The following ALKAL1 variants were observed in gnomAD, a reference collection of about 807,000 sequenced individuals.
ALKAL1 encodes the protein AUG-beta.
ALKAL1 carries 23 observed loss-of-function variants against 13.5 expected under a neutral mutation model. That is an observed-to-expected ratio of 1.70 (90% CI 1.23 to 2.41). ALKAL1 has a LOEUF of 2.41. Ranked by LOEUF, ALKAL1 falls within the 30% of genes most tolerant of loss-of-function variation. The probability of loss-of-function intolerance (pLI) is 0.00; values close to 1 mark genes in which losing one functional copy is unlikely to be tolerated. For synonymous variants in ALKAL1, 85 were observed against 77.7 expected (o/e 1.09, Z -0.49); for missense variants, 181 against 178.4 (o/e 1.01, Z -0.08).
chr8:52,555,288 G>A (rs1430778086), intron 1 of ALKAL1, among the ~76,000 whole-genome samples: 1 of 152,132 alleles, frequency 6.6e-6, no homozygotes, highest in Non-Finnish European at 1.5e-5. Flanking sequence ...GAAGCTGGCA[G>A]AGGATATTGG....
At chr8:52,556,683 GGATA>G (rs1357486617) in intron 1 of ALKAL1, among the ~76,000 whole-genome samples, 3 of 140,810 alleles carry the variant, frequency 2.1e-5, no homozygotes, top group African/African-American at 5.2e-5. Flanking sequence ...AAGATTGGAT[GGATA>G]AAGCTCTCAA....
Position 52,534,313 on chromosome 8 carries a change from AAAT to A in ALKAL1, c.*297_*299del, listed in dbSNP as rs1446523555. ...AATTAGAATGTTAACCATATAAAGA[AAAT>A]AATATATCTAGTAAAAATAAAATAC... On this transcript the variant is annotated 3_prime_UTR_variant, in exon 5 of 5. Transcript: ENST00000358543. 1 of 252,636 alleles carries A rather than the reference AAAT, an allele frequency of 4.0e-6. No homozygotes were observed. The highest frequency in any genetic ancestry group is 5.3e-5 in the Admixed American group (1 of 18,792). 15.6% of individuals were successfully genotyped at this position (252,636 alleles called of 1,614,324 possible). A position where few individuals can be genotyped will look rare whatever the true frequency, so the allele number is the denominator to read the frequency against.
intron 1 of ALKAL1, among the ~76,000 whole-genome samples, chr8:52,564,577 C>A (rs1291191720): frequency 6.6e-6 from 1 of 152,170 alleles, no homozygotes; most frequent in East Asian, 1.9e-4. Flanking sequence ...TAACATAAGC[C>A]GCCGCCTGCT....
intron 1 of ALKAL1, among the ~76,000 whole-genome samples, chr8:52,563,814 C>A (rs1202753956): frequency 6.6e-6 from 1 of 152,130 alleles, no homozygotes; most frequent in Non-Finnish European, 1.5e-5. Context: ...AGCCTCCCAC[C>A]TTCTCCATCC....
intron 1 of ALKAL1, among the ~76,000 whole-genome samples, chr8:52,557,211 C>T (rs1486131753): frequency 3.3e-5 from 5 of 152,172 alleles, no homozygotes; most frequent in Non-Finnish European, 4.4e-5. Context: ...GGCTGATGCC[C>T]GGGTGGTGCT....
intron 1 of ALKAL1, among the ~76,000 whole-genome samples, chr8:52,546,350 T>C (rs1847368612): frequency 6.6e-6 from 1 of 152,238 alleles, no homozygotes; most frequent in Non-Finnish European, 1.5e-5. Context: ...GTTGCACAGA[T>C]ACTATGGCTC....
chr8:52,560,290 A>G (rs1250137973), intron 1 of ALKAL1, among the ~76,000 whole-genome samples: 3 of 152,206 alleles, frequency 2.0e-5, no homozygotes, highest in Non-Finnish European at 4.4e-5. Flanking sequence ...TATTGTAGCT[A>G]TTATTTCCTG....
intron 1 of ALKAL1, among the ~76,000 whole-genome samples, chr8:52,546,494 T>C (rs1343563342): frequency 6.6e-6 from 1 of 152,352 alleles, no homozygotes; most frequent in East Asian, 1.9e-4. Context: ...GCCCAGTTAG[T>C]TGCTTTGGCT....
At chr8:52,535,550 CAAAAAAAAAAAA>C (rs10719477) in intron 4 of ALKAL1, among the ~76,000 whole-genome samples, 9 of 68,632 alleles carry the variant, frequency 1.3e-4, no homozygotes, top group Non-Finnish European at 2.3e-4. Context: ...GACCCTGTCT[CAAAAAAAAAAAA>C]AAAAAAAAAA....
chr8:52,542,103 TC>T (rs900033819), intron 2 of ALKAL1, among the ~76,000 whole-genome samples: 13 of 152,274 alleles, frequency 8.5e-5, no homozygotes, highest in East Asian at 7.7e-4. Context: ...GCCTTATTCA[TC>T]CCTTAAAGCC....
Position 52,565,225 on chromosome 8 carries a change from G to T in ALKAL1, c.32C>A (p.Pro11His), listed in dbSNP as rs1847589347. 8 of 1,327,814 alleles carry T rather than the reference G, an allele frequency of 6.0e-6. No homozygotes were observed. In the South Asian group the frequency reaches 1.1e-4, roughly 17 times the overall value. The allele number at this position is 1,327,814 out of a possible 1,614,324, so 82.3% of individuals were successfully genotyped here. The change falls in exon 1 of 5, where the codon CCC (proline) becomes CAC (histidine). Residue 11 changes from proline (P) to histidine (H), a missense_variant. Transcript: ENST00000358543. The stretch of plus-strand genomic sequence containing the variant: ...AGCCAGCGCCAGCAGGAAGAGTGCG[G>T]GCAAAGGGGCGCCGGGCTTAAGGGG... MRPLKPGAPL[P>H]ALFLLALALS...
intron 1 of ALKAL1, among the ~76,000 whole-genome samples, chr8:52,554,769 G>T (rs113294549): frequency 9.2e-5 from 14 of 152,218 alleles, no homozygotes; most frequent in African/African-American, 3.4e-4. Context: ...GAGAAAGAAG[G>T]AATGGTCAGA....
At chr8:52,537,205 C>A (rs1277599883) in intron 4 of ALKAL1, among the ~76,000 whole-genome samples, 1 of 151,898 alleles carries the variant, frequency 6.6e-6, no homozygotes, top group East Asian at 1.9e-4. Flanking sequence ...AAAAGTCTAA[C>A]AAATATATGA....
intron 2 of ALKAL1, 80 bp downstream of exon 2, chr8:52,542,312 T>A (rs746849791): frequency 1.6e-5 from 15 of 924,980 alleles, no homozygotes; most frequent in Non-Finnish European, 2.5e-5. Flanking sequence ...TTTATTTTCA[T>A]ATCCCTAGTG....
At chr8:52,539,674 C>T (rs1016620928) in intron 3 of ALKAL1, among the ~76,000 whole-genome samples, 157 bp downstream of exon 3, 4 of 152,090 alleles carry the variant, frequency 2.6e-5, no homozygotes. Flanking sequence ...CAACAGTACA[C>T]ACAAACCTTA....
intron 1 of ALKAL1, among the ~76,000 whole-genome samples, chr8:52,562,438 C>T (rs555183284): frequency 6.6e-6 from 1 of 152,248 alleles, no homozygotes; most frequent in South Asian, 2.1e-4. Context: ...AGGACGGATA[C>T]AGGCACGAAC....
At chr8:52,557,081 CTTG>C (rs1847492053) in intron 1 of ALKAL1, among the ~76,000 whole-genome samples, 2 of 152,294 alleles carry the variant, frequency 1.3e-5, no homozygotes, top group South Asian at 2.1e-4. Flanking sequence ...CAACGTGTAA[CTTG>C]TTGTTTTTCC....
intron 1 of ALKAL1, among the ~76,000 whole-genome samples, chr8:52,554,164 C>T (rs1431869557): frequency 4.6e-5 from 7 of 152,110 alleles, no homozygotes; most frequent in African/African-American, 1.7e-4. Context: ...GTGGAGGTTG[C>T]AGTGAACCGA....
chr8:52,561,476 G>A (rs1187249004), intron 1 of ALKAL1, among the ~76,000 whole-genome samples: 1 of 152,200 alleles, frequency 6.6e-6, no homozygotes, highest in Admixed American at 6.5e-5. Flanking sequence ...ATAGCGTTAA[G>A]CACAGGCAGA....
Sources: allele counts gnomAD v4.1 joint callset (sites outside exome capture counted in the v4.1 genomes callset), GRCh38; gene constraint gnomAD v4.1.1; transcripts MANE v1.5; gene names NCBI Gene and HGNC (gene_info 2026-07-23, HGNC 2026-07-21).